Variants in ERI3 observed in about 807,000 individuals in gnomAD.
The protein encoded by ERI3 is ERI1 exoribonuclease family member 3.
A neutral mutation model predicts 44.4 loss-of-function variants in ERI3; 18 were observed. That is an observed-to-expected ratio of 0.41 (90% confidence interval 0.28 to 0.60). The LOEUF is 0.60. Among genes scored for constraint, ERI3 ranks in the 20% least tolerant of loss-of-function variants. The pLI, the probability that ERI3 is intolerant of heterozygous loss-of-function variation, is 0.36. For missense variants in ERI3, 294 were observed against 435.5 expected (o/e 0.68, Z 2.89); for synonymous variants, 183 against 164.8 (o/e 1.11, Z -0.84).
At chr1:44,300,776 G>A (rs1178664103) in intron 6 of ERI3, among the ~76,000 whole-genome samples, 1 of 152,168 alleles carries the variant, frequency 6.6e-6, no homozygotes, top group Non-Finnish European at 1.5e-5. Flanking sequence ...GCTAGCCCCA[G>A]GGGCATCAGG....
At chr1:44,305,489 G>GA (rs796066175) in intron 6 of ERI3, among the ~76,000 whole-genome samples, 1 of 152,278 alleles carries the variant, frequency 6.6e-6, no homozygotes, top group Non-Finnish European at 1.5e-5. Context: ...GTTGTTTCTT[G>GA]AAAAAATTGA....
chr1:44,257,227 T>C (rs770365419), intron 7 of ERI3, among the ~76,000 whole-genome samples: 4 of 152,220 alleles, frequency 2.6e-5, no homozygotes, highest in Non-Finnish European at 4.4e-5. Context: ...TTTTTTTTAA[T>C]CGTGCACTAA....
At chr1:44,322,791 C>G in intron 3 of ERI3, 1 of 1,550,190 alleles carries the variant, frequency 6.5e-7, no homozygotes, top group Non-Finnish European at 8.7e-7. Context: ...CCAAACAGCC[C>G]AGTAGTGGGA....
Position 44,221,506 on chromosome 1 carries a change from C to G in ERI3, c.*52G>C. 1 of 1,462,274 alleles carries G rather than the reference C, an allele frequency of 6.8e-7. No homozygotes were observed. The highest frequency in any genetic ancestry group is 2.3e-5 in the East Asian group (1 of 44,184). 90.6% of individuals were successfully genotyped at this position (1,462,274 alleles called of 1,614,324 possible). A position where few individuals can be genotyped will look rare whatever the true frequency, so the allele number is the denominator to read the frequency against. Reference sequence around the variant, plus strand: ...CCCTCTGGTGAGGGAGAGGAGGATTCTGGGCTGGGCCAAACAGCTACCCTG... The same window carrying G: ...CCCTCTGGTGAGGGAGAGGAGGATTGTGGGCTGGGCCAAACAGCTACCCTG... On this transcript the variant is annotated 3_prime_UTR_variant, in exon 9 of 9. Coordinates refer to ENST00000372257, the MANE Select transcript of ERI3 (RefSeq NM_024066.3). This position sits in a 1 kb window ranked among gnomAD's most constrained non-coding sequence, Gnocchi z 5.9.
intron 4 of ERI3, among the ~76,000 whole-genome samples, chr1:44,315,867 T>C (rs965819994): frequency 6.6e-6 from 1 of 152,186 alleles, no homozygotes; most frequent in Non-Finnish European, 1.5e-5. Flanking sequence ...TAAAGTTAGT[T>C]CTGGGCTGGG....
chr1:44,339,005 G>A, intron 3 of ERI3, 40 bp downstream of exon 3: 2 of 1,592,014 alleles, frequency 1.3e-6, no homozygotes, highest in Non-Finnish European at 1.7e-6. Flanking sequence ...CTCCCTCCTT[G>A]CCCCCCCCAC....
rs554824444 is a variant in ERI3 at position 44,235,846 on chromosome 1, C to T, written c.931+12093G>A. ...AAGGGTGGCAGTGGTGGTGCTGGGG[C>T]GCCCCAGTCCTAGCCAGTGATGCCC... On this transcript the variant is annotated intron_variant, in intron 8 of 8. Transcript: ENST00000372257. This position sits in a 1 kb window ranked among gnomAD's most constrained non-coding sequence, Gnocchi z 4.6. Among the ~76,000 whole-genome samples, 5 of 152,300 alleles carry T rather than the reference C, an allele frequency of 3.3e-5. No individual in the cohort carries two copies. Among genetic ancestry groups the T allele is most frequent in the Admixed American group, 6.5e-5 (1 of 15,308 alleles).
chr1:44,269,529 T>C (rs117933049), intron 7 of ERI3, among the ~76,000 whole-genome samples: 1 of 152,158 alleles, frequency 6.6e-6, no homozygotes, highest in Middle Eastern at 3.2e-3. Flanking sequence ...CCTCCCCAAT[T>C]GGGTGAATGC....
At chr1:44,338,658 C>T (rs1470405662) in intron 3 of ERI3, among the ~76,000 whole-genome samples, 1 of 152,162 alleles carries the variant, frequency 6.6e-6, no homozygotes, top group African/African-American at 2.4e-5. Flanking sequence ...AGGGGAACTA[C>T]CAAGGGTGTG....
At chr1:44,290,754 C>T (rs546174877) in intron 6 of ERI3, among the ~76,000 whole-genome samples, 10 of 152,284 alleles carry the variant, frequency 6.6e-5, no homozygotes, top group African/African-American at 2.4e-4. Context: ...TTCATGATCA[C>T]TTTTCCTCAA....
chr1:44,330,618 C>T (rs1646408451), intron 3 of ERI3, among the ~76,000 whole-genome samples: 1 of 152,226 alleles, frequency 6.6e-6, no homozygotes, highest in Admixed American at 6.5e-5. Flanking sequence ...GTTCACCCTT[C>T]TGCTGCAGAC....
Position 44,335,405 on chromosome 1 carries a change from A to G in ERI3, c.489+3640T>C, listed in dbSNP as rs546543739. On this transcript the variant is annotated intron_variant, in intron 3 of 8. Coordinates refer to ENST00000372257, the MANE Select transcript of ERI3 (RefSeq NM_024066.3). ...AGAAAAGGGAGCTGGTCAGGAGAGG[A>G]GCCTGGATGGTTCTCATTCATAAGC... Among the ~76,000 whole-genome samples, 72 of 151,574 alleles carry G rather than the reference A, an allele frequency of 4.8e-4. 2 individuals carry two copies. The South Asian group carries it at 0.015, about 31-fold the overall frequency.
chr1:44,235,844 G>C lies in ERI3; in HGVS notation c.931+12095C>G, dbSNP rs1644292058. On this transcript the variant is annotated intron_variant, in intron 8 of 8. Transcript: ENST00000372257. The surrounding 1 kb of genome is among the most constrained non-coding windows in gnomAD (Gnocchi z 4.6). ...TCAAGGGTGGCAGTGGTGGTGCTGG[G>C]GCGCCCCAGTCCTAGCCAGTGATGC... Among the ~76,000 whole-genome samples the C allele has an allele frequency of 1.3e-5, 2 of 152,300 alleles. No individual in the cohort carries two copies. Among genetic ancestry groups the C allele is most frequent in the South Asian group, 4.1e-4 (2 of 4,822 alleles).
intron 7 of ERI3, among the ~76,000 whole-genome samples, chr1:44,273,307 G>A (rs914562588): frequency 3.9e-5 from 6 of 152,182 alleles, no homozygotes; most frequent in African/African-American, 7.2e-5. Context: ...TCTGTCTTTC[G>A]TACCTTAACC....
At chr1:44,282,029 G>C (rs895780126) in intron 7 of ERI3, among the ~76,000 whole-genome samples, 1 of 151,794 alleles carries the variant, frequency 6.6e-6, no homozygotes, top group African/African-American at 2.4e-5. Flanking sequence ...AAGAATATAA[G>C]ATCATTCAAT....
Position 44,283,070 on chromosome 1 carries a change from G to A in ERI3, c.831+1765C>T, listed in dbSNP as rs144711663. ...CACAGGGTAATTGTTCATGGTCAGC[G>A]CCTGCCTCGCCTGGCCGGGCCTTCA... On this transcript the variant is annotated intron_variant, in intron 7 of 8. Coordinates refer to ENST00000372257, the MANE Select transcript of ERI3 (RefSeq NM_024066.3). Among the ~76,000 whole-genome samples the A allele has an allele frequency of 8.2e-4, 125 of 152,308 alleles. 1 individual carries two copies. The highest frequency in any genetic ancestry group is 6.8e-3 in the Middle Eastern group (2 of 294).
chr1:44,317,658 T>C (rs1646119031), intron 4 of ERI3, among the ~76,000 whole-genome samples: 1 of 152,022 alleles, frequency 6.6e-6, no homozygotes, highest in Non-Finnish European at 1.5e-5. Flanking sequence ...ATAATTATAG[T>C]ATAAAGTATC....
intron 1 of ERI3, chr1:44,353,560 AC>A: frequency 2.0e-6 from 2 of 985,422 alleles, no homozygotes; most frequent in Non-Finnish European, 2.4e-6. Context: ...ATTCCTGTCT[AC>A]CATTCCACAC....
At chr1:44,232,398 T>C (rs946136954) in intron 8 of ERI3, among the ~76,000 whole-genome samples, 3 of 152,188 alleles carry the variant, frequency 2.0e-5, no homozygotes, top group African/African-American at 7.2e-5. Flanking sequence ...GCTAAAAGAA[T>C]CAAGTTTAGA....
Sources: allele counts gnomAD v4.1 joint callset (sites outside exome capture counted in the v4.1 genomes callset), GRCh38; gene constraint gnomAD v4.1.1; non-coding constraint Gnocchi (gnomAD v3.1); transcripts MANE v1.5; gene names NCBI Gene and HGNC (gene_info 2026-07-23, HGNC 2026-07-21).